Variants in AVIL observed in about 807,000 individuals in gnomAD.
AVIL encodes the protein advillin.
In AVIL, 78 loss-of-function variants were observed where a neutral mutation model predicts 109.9. That is an observed-to-expected ratio of 0.71 (90% CI 0.59 to 0.86). The LOEUF is 0.86. Ranked by LOEUF, AVIL falls within the 40% of genes least tolerant of loss-of-function variation. The pLI is 0.00. For missense variants in AVIL, 892 were observed against 1,016.5 expected, an observed-to-expected ratio of 0.88 and a Z score of 1.67; for synonymous variants, 367 against 379.1, an observed-to-expected ratio of 0.97 and a Z score of 0.37.
rs374405841 is a variant in AVIL, at chr12:57,807,555, T to C, written c.1332+35A>G. ...CCCAGCCCAGTGGCCAGAGGACACA[T>C]CAGGATCCAAAGCTGAAGCCTGTGC... is the stretch of plus-strand genomic sequence containing the variant. On this transcript the variant is annotated intron_variant, in intron 12 of 19. Coordinates refer to ENST00000549994, the MANE Select transcript of AVIL (RefSeq NM_006576.4). The C allele has an allele frequency of 3.1e-6, 5 of 1,614,070 alleles. No individual in the cohort carries two copies. In the African/African-American group the frequency reaches 6.7e-5, roughly 22 times the overall value.
chr12:57,813,407 C>T lies in AVIL; in HGVS notation c.158G>A (p.Ser53Asn), dbSNP rs1595175325. The change falls in exon 4 of 20, where the codon AGT becomes AAT. Residue 53 changes from serine to asparagine, a missense_variant. Transcript: ENST00000549994. ...YVILSTRRVA[S>N]LLSQDIHFWI... is the part of the protein sequence containing the mutation. The stretch of plus-strand genomic sequence containing the variant: ...GAAGTGGATGTCCTGGGATAGGAGA[C>T]TGGCCACTCTCCGGGTCTGGGAGGT... 1 of 1,613,878 alleles carries T rather than the reference C, an allele frequency of 6.2e-7. No individual in the cohort carries two copies. The highest frequency in any genetic ancestry group is 8.5e-7 in the Non-Finnish European group (1 of 1,179,954).
intron 9 of AVIL, 68 bp downstream of exon 9, chr12:57,809,529 T>A: frequency 6.5e-7 from 1 of 1,547,934 alleles, no homozygotes; most frequent in Non-Finnish European, 8.9e-7. Context: ...CATGGCTCTG[T>A]GGAGTGACAC....
chr12:57,813,837 C>T (rs886809783), intron 3 of AVIL, among the ~76,000 whole-genome samples: 33 of 152,216 alleles, frequency 2.2e-4, no homozygotes, highest in African/African-American at 7.7e-4. Flanking sequence ...AGGCTAGAGA[C>T]AGGCCTTGCA....
At position 57,806,412 on chromosome 12, in the gene AVIL, T is replaced by A; in HGVS notation, c.1619A>T (p.Asn540Ile). 1.9e-6 allele frequency: 3 copies of A among 1,613,954 alleles called. No individual in the cohort carries two copies. The highest frequency in any genetic ancestry group is 2.5e-6 in the Non-Finnish European group (3 of 1,179,980). ...CTGAGTTCGCAGCAGAAAGACATCA[T>A]TGGAGTTTAGGGAGGAGGCAAAGGC... ...VPAFASSLNSNDVFLLRTQAE... is the reference protein window; with the variant it reads ...VPAFASSLNSIDVFLLRTQAE... Residue 540 changes from asparagine (N) to isoleucine (I), a missense_variant, in exon 14 of 20, where the codon AAT (asparagine) becomes ATT (isoleucine). Coordinates refer to ENST00000549994, the MANE Select transcript of AVIL (RefSeq NM_006576.4).
Position 57,808,390 on chromosome 12 carries a change from C to G in AVIL, c.1093+5G>C, listed in dbSNP as rs1955985567. ...AATGAGAGGATGATCTGGGGGCAGT[C>G]TCACCAATTTTACCAATGCTGAACG... On this transcript the variant is annotated splice_donor_5th_base_variant and intron_variant, in intron 10 of 19. Coordinates refer to ENST00000549994, the MANE Select transcript of AVIL (RefSeq NM_006576.4). 6.2e-7 allele frequency: 1 copy of G among 1,614,174 alleles called. No homozygotes were observed. Among genetic ancestry groups the G allele is most frequent in the African/African-American group, 1.3e-5 (1 of 75,046 alleles).
chr12:57,815,384 G>A (rs1956089014), intron 2 of AVIL, among the ~76,000 whole-genome samples: 1 of 152,206 alleles, frequency 6.6e-6, no homozygotes, highest in Non-Finnish European at 1.5e-5. Flanking sequence ...AGGCATCATC[G>A]CTGGGTTTTA....
Position 57,803,671 on chromosome 12 carries a change from TGA to T in AVIL, c.1672-4_1672-3del, listed in dbSNP as rs1565831446. 2 of 1,613,582 alleles carry T rather than the reference TGA, an allele frequency of 1.2e-6. No homozygotes were observed. The highest frequency in any genetic ancestry group is 2.2e-5 in the South Asian group (2 of 91,050). On this transcript the variant is annotated splice_polypyrimidine_tract_variant and splice_region_variant and intron_variant, in intron 14 of 19. Transcript: ENST00000549994. ...TGCCCGCTCATCCCCACTAGACCCC[TGA>T]GAGTGGGGCGAGGAGAGCACAGATG...
At chr12:57,806,626 A>T (rs1955952142) in intron 13 of AVIL, 87 bp from the exon 14 acceptor site, 1 of 1,473,508 alleles carries the variant, frequency 6.8e-7, no homozygotes, top group Non-Finnish European at 9.3e-7. Flanking sequence ...CGTGAATGTT[A>T]TAGTATTATG....
At chr12:57,815,509 C>T (rs537475589) in intron 2 of AVIL, 95 of 1,124,288 alleles carry the variant, frequency 8.4e-5, no homozygotes, top group Middle Eastern at 5.7e-4. Context: ...AGCTCACAGC[C>T]GCACAGAGGG....
In AVIL at chr12:57,809,594, T is replaced by TA. The variant is rs1565835660; in HGVS notation, c.939+2dup. 6.2e-7 allele frequency: 1 copy of TA among 1,614,066 alleles called. No individual in the cohort carries two copies. Among genetic ancestry groups the TA allele is most frequent in the Non-Finnish European group, 8.5e-7 (1 of 1,179,990 alleles). ...AACAGTATTGCACATCTGTAGCTCC[T>TA]ACCAGCGCTTTAGACATGGCTGCCT... is the stretch of plus-strand genomic sequence containing the variant. On this transcript the variant is annotated splice_region_variant and intron_variant, in intron 9 of 19. Coordinates refer to ENST00000549994, the MANE Select transcript of AVIL (RefSeq NM_006576.4).
chr12:57,813,291 G>T lies in AVIL; in HGVS notation c.274C>A (p.Gln92Lys). The T allele has an allele frequency of 6.2e-7, 1 of 1,614,056 alleles. No homozygotes were observed. The highest frequency in any genetic ancestry group is 8.5e-7 in the Non-Finnish European group (1 of 1,180,016). The change falls in exon 4 of 20, where the codon CAG becomes AAG. Residue 92 changes from glutamine (Q) to lysine (K), a missense_variant. By Grantham distance (53) the Gln-to-Lys change is moderately conservative. Coordinates refer to ENST00000549994, the MANE Select transcript of AVIL (RefSeq NM_006576.4). ...LDDYLGGSPV[Q>K]HREVQYHESD... Reference sequence around the variant, plus strand: ...TCATGGTACTGGACCTCTCGGTGCTGCACAGGGCTGCCTCCCAGGTAGTCG... The same window carrying T: ...TCATGGTACTGGACCTCTCGGTGCTTCACAGGGCTGCCTCCCAGGTAGTCG...
chr12:57,807,241 C>T, intron 13 of AVIL, 90 bp downstream of exon 13: 6 of 1,575,046 alleles, frequency 3.8e-6, no homozygotes, highest in Middle Eastern at 1.8e-4. Flanking sequence ...CTCCCTACCC[C>T]ACCCCTCCTC....
At chr12:57,806,563 C>G in intron 13 of AVIL, 24 bp from the exon 14 acceptor site, 2 of 1,613,078 alleles carry the variant, frequency 1.2e-6, no homozygotes, top group Non-Finnish European at 8.5e-7. Context: ...AAGCAGAGTC[C>G]AGATCTAAGG....
At chr12:57,814,044 GACC>G in intron 3 of AVIL, 105 bp downstream of exon 3, 1 of 1,182,238 alleles carries the variant, frequency 8.5e-7, no homozygotes, top group Non-Finnish European at 1.2e-6. Context: ...GAACCATTGA[GACC>G]GATACCAGGG....
intron 11 of AVIL, 43 bp from the exon 12 acceptor site, chr12:57,807,770 TGA>T (rs765601731): frequency 1.9e-6 from 3 of 1,613,268 alleles, no homozygotes; most frequent in South Asian, 1.1e-5. Flanking sequence ...ATGGGGGTGC[TGA>T]GAGGGGCTAG....
chr12:57,815,689 T>A (rs1221963659), intron 2 of AVIL: 6 of 1,370,398 alleles, frequency 4.4e-6, no homozygotes, highest in Non-Finnish European at 5.7e-6. Context: ...TTCCAGGGTG[T>A]TTCCTGCAAG....
At chr12:57,798,247 T>G (rs555194482) in intron 19 of AVIL, among the ~76,000 whole-genome samples, 17 of 152,328 alleles carry the variant, frequency 1.1e-4, no homozygotes, top group African/African-American at 4.1e-4. Context: ...AAGCGCCAGT[T>G]TCTTGCCAGA....
chr12:57,814,171 T>TC lies in AVIL; in HGVS notation c.121dup (p.Asp41GlyfsTer31). 1.2e-6 allele frequency: 2 copies of TC among 1,612,770 alleles called. No individual in the cohort carries two copies. Among genetic ancestry groups the TC allele is most frequent in the Admixed American group, 1.7e-5 (1 of 59,878 alleles). The stretch of plus-strand genomic sequence containing the variant: ...GCTCACCGAGAGGATGACGTAGCAG[T>TC]CCCCCTCATAGAAGTTGCCGTGGGC... On this transcript the variant is annotated frameshift_variant, in exon 3 of 20. Coordinates refer to ENST00000549994, the MANE Select transcript of AVIL (RefSeq NM_006576.4). LOFTEE classifies it high-confidence loss of function.
chr12:57,810,483 C>G lies in AVIL; in HGVS notation c.627G>C (p.Glu209Asp). 3 of 1,614,200 alleles carry G rather than the reference C, an allele frequency of 1.9e-6. No homozygotes were observed. The highest frequency in any genetic ancestry group is 2.5e-6 in the Non-Finnish European group (3 of 1,180,032). ...CTGGGCTGGCTGCCTCCTTGTCTCC[C>G]TCGATCACTCCTATTTTAGCACGGC... The part of the protein sequence containing the change: ...RGGRAKIGVI[E>D]GDKEAASPEL... The change falls in exon 7 of 20, where the codon GAG becomes GAC. Residue 209 changes from glutamate to aspartate, a missense_variant. Glu to Asp is a conservative substitution (Grantham distance 45). Coordinates refer to ENST00000549994, the MANE Select transcript of AVIL (RefSeq NM_006576.4).
Sources: gnomAD v4.1 joint callset for allele counts (sites outside exome capture counted in the v4.1 genomes callset) on GRCh38, gnomAD v4.1.1 for gene constraint, MANE v1.5 for transcripts, NCBI Gene and HGNC (gene_info 2026-07-23, HGNC 2026-07-21) for gene names.